The following SMURF1 variants were observed in gnomAD, a reference collection of about 807,000 sequenced individuals.
The protein encoded by SMURF1 is E3 ubiquitin-protein ligase SMURF1.
Under a neutral mutation model 98.0 loss-of-function variants are expected in SMURF1, and 44 were observed. That is an observed-to-expected ratio of 0.45 (90% confidence interval 0.35 to 0.58). The LOEUF (loss-of-function observed/expected upper bound fraction) is 0.58. SMURF1 is among the 20% of genes least tolerant of loss of function. The pLI, the probability that SMURF1 is intolerant of heterozygous loss-of-function variation, is 0.00. For missense variants in SMURF1, 687 were observed against 938.4 expected, an observed-to-expected ratio of 0.73 and a Z score of 3.50; for synonymous variants, 396 against 374.9, an observed-to-expected ratio of 1.06 and a Z score of -0.65.
chr7:99,089,772 A>T (rs1796770200), intron 1 of SMURF1, among the ~76,000 whole-genome samples: 1 of 152,166 alleles, frequency 6.6e-6, no homozygotes, highest in Admixed American at 6.5e-5. Flanking sequence ...GATCCATTTA[A>T]CTCGGTTTGC....
chr7:99,053,798 C>G (rs1045809515), intron 6 of SMURF1, among the ~76,000 whole-genome samples: 1 of 152,144 alleles, frequency 6.6e-6, no homozygotes. Flanking sequence ...TGGGGGACTG[C>G]AAAATTGTGA....
chr7:99,035,877 G>A lies in SMURF1; in HGVS notation c.1810-161C>T. 4.3e-6 allele frequency: 3 copies of A among 700,270 alleles called. No homozygotes were observed. In the South Asian group the frequency reaches 5.6e-5, roughly 13 times the overall value. 43.4% of individuals were successfully genotyped at this position (700,270 alleles called of 1,614,324 possible). A position where few individuals can be genotyped will look rare whatever the true frequency, so the allele number is the denominator to read the frequency against. ...GAGACAGGAAGAAAGCTACAAACAGGAGGCCTGTGGCACATGCTTCCGTCC... is the reference window on the plus strand; with the variant it reads ...GAGACAGGAAGAAAGCTACAAACAGAAGGCCTGTGGCACATGCTTCCGTCC... On this transcript the variant is annotated intron_variant, in intron 15 of 17. Coordinates refer to ENST00000361368, the MANE Select transcript of SMURF1 (RefSeq NM_181349.3).
intron 11 of SMURF1, 37 bp from the exon 12 acceptor site, chr7:99,042,269 T>G: frequency 1.0e-4 from 136 of 1,323,510 alleles, no homozygotes; most frequent in Non-Finnish European, 1.3e-4. Flanking sequence ...TGAGACGCGC[T>G]AAAATTTCTA....
intron 1 of SMURF1, among the ~76,000 whole-genome samples, chr7:99,129,372 T>C (rs1339787111): frequency 1.3e-5 from 2 of 152,120 alleles, no homozygotes; most frequent in Non-Finnish European, 2.9e-5. Context: ...ACTGAAGTGA[T>C]TCCAGTTATT....
chr7:99,096,485 T>G (rs1469331072), intron 1 of SMURF1, among the ~76,000 whole-genome samples: 1 of 152,170 alleles, frequency 6.6e-6, no homozygotes, highest in African/African-American at 2.4e-5. Flanking sequence ...GGAAAAGATA[T>G]GCCATGCAAA....
chr7:99,099,141 A>C lies in SMURF1; in HGVS notation c.56-37304T>G, dbSNP rs145012934. Among the ~76,000 whole-genome samples, 5 of 152,192 alleles carry C rather than the reference A, an allele frequency of 3.3e-5. No individual in the cohort carries two copies. The East Asian group carries it at 9.7e-4, about 29-fold the overall frequency. ...GAGGAGACTAGAGCCCGATGAGAAA[A>C]GGTCTTCTATGCAATGTTAAGGAAT... On this transcript the variant is annotated intron_variant, in intron 1 of 17. Transcript: ENST00000361368.
At chr7:99,039,515 A>AT (rs1026453674) in intron 13 of SMURF1, among the ~76,000 whole-genome samples, 2 of 151,890 alleles carry the variant, frequency 1.3e-5, no homozygotes, top group African/African-American at 4.8e-5. Context: ...GCTTTTTAAA[A>AT]TTTTTTTAAT....
At chr7:99,050,745 G>T in intron 8 of SMURF1, 1 of 569,602 alleles carries the variant, frequency 1.8e-6, no homozygotes, top group Admixed American at 3.0e-5. Context: ...ACATAGTCTT[G>T]GAAAATCAGA....
intron 17 of SMURF1, 61 bp from the exon 18 acceptor site, chr7:99,030,744 G>T (rs908300079): frequency 2.3e-5 from 30 of 1,324,168 alleles, no homozygotes; most frequent in Middle Eastern, 1.8e-4. Flanking sequence ...CAACCTCAAG[G>T]CCAAGGACAG....
At chr7:99,110,462 AATAAAC>A (rs1452718517) in intron 1 of SMURF1, among the ~76,000 whole-genome samples, 2 of 152,226 alleles carry the variant, frequency 1.3e-5, no homozygotes, top group Non-Finnish European at 2.9e-5. Context: ...GCTCACAGGA[AATAAAC>A]ATAAACAGCC....
chr7:99,076,295 G>A (rs1796457060), intron 1 of SMURF1, among the ~76,000 whole-genome samples: 1 of 152,242 alleles, frequency 6.6e-6, no homozygotes, highest in African/African-American at 2.4e-5. Flanking sequence ...TTACAGTGGA[G>A]AAACCTGACG....
Position 99,047,712 on chromosome 7 carries a change from A to T in SMURF1, c.1124T>A (p.Ile375Asn). The T allele has an allele frequency of 6.2e-7, 1 of 1,614,232 alleles. No individual in the cohort carries two copies. Among genetic ancestry groups the T allele is most frequent in the Non-Finnish European group, 8.5e-7 (1 of 1,180,052 alleles). The change falls in exon 10 of 18, where the codon ATC (isoleucine) becomes AAC (asparagine). Residue 375 changes from isoleucine (I) to asparagine (N), a missense_variant. This residue lies in a region of SMURF1 where 415 missense variants were observed against 508.4 expected (regional missense o/e 0.82). Coordinates refer to ENST00000361368, the MANE Select transcript of SMURF1 (RefSeq NM_181349.3). ...AAAGATTTCTTCTCTGGACACTTCG[A>T]TGCGGCAATGACCAGCTTGGGGCTG... The part of the protein sequence containing the change: ...LQQPQAGHCR[I>N]EVSREEIFEE...
At chr7:99,128,461 C>T (rs549138409) in intron 1 of SMURF1, among the ~76,000 whole-genome samples, 1 of 152,300 alleles carries the variant, frequency 6.6e-6, no homozygotes, top group African/African-American at 2.4e-5. Context: ...ATACCAGGCT[C>T]CTAAGGGAAA....
At position 99,126,132 on chromosome 7, in the gene SMURF1, A is replaced by C. The variant is rs371044999; in HGVS notation, c.55+17594T>G. On this transcript the variant is annotated intron_variant, in intron 1 of 17. Coordinates refer to ENST00000361368, the MANE Select transcript of SMURF1 (RefSeq NM_181349.3). ...CCTATGGCTGTTAAGTTTCTGGTAG[A>C]GACAGTCTTTTTCAATACTCCTCTC... is the stretch of plus-strand genomic sequence containing the variant. Among the ~76,000 whole-genome samples, 6 of 152,284 alleles carry C rather than the reference A, an allele frequency of 3.9e-5. No individual in the cohort carries two copies. In the East Asian group the frequency reaches 7.7e-4, roughly 20 times the overall value.
intron 11 of SMURF1, among the ~76,000 whole-genome samples, chr7:99,043,313 T>C (rs145300819): frequency 2.1e-4 from 32 of 152,240 alleles, no homozygotes; most frequent in African/African-American, 7.0e-4. Context: ...GATCGGATAA[T>C]GAACACACAC....
chr7:99,041,986 T>G (rs546474424), intron 12 of SMURF1, 132 bp downstream of exon 12: 110 of 707,034 alleles, frequency 1.6e-4, no homozygotes, highest in Non-Finnish European at 2.5e-4. Flanking sequence ...TCACTTTACC[T>G]CTCCATGTTT....
intron 1 of SMURF1, among the ~76,000 whole-genome samples, chr7:99,086,114 G>A (rs557593238): frequency 6.6e-6 from 1 of 152,266 alleles, no homozygotes; most frequent in Non-Finnish European, 1.5e-5. Flanking sequence ...GAGAGGCCGA[G>A]GTGGGTGGAT....
chr7:99,085,301 C>T (rs919329608), intron 1 of SMURF1, among the ~76,000 whole-genome samples: 7 of 144,262 alleles, frequency 4.9e-5, no homozygotes, highest in African/African-American at 1.3e-4. Context: ...TGCAGTGAGT[C>T]GAGATCAAGC....
intron 3 of SMURF1, among the ~76,000 whole-genome samples, chr7:99,059,415 AAT>A (rs1795974045): frequency 3.9e-5 from 2 of 51,644 alleles, no homozygotes; most frequent in African/African-American, 1.5e-4. Flanking sequence ...AATAAAATAA[AAT>A]AAAATAAAAT....
Sources: gnomAD v4.1 joint callset for allele counts (sites outside exome capture counted in the v4.1 genomes callset) on GRCh38, gnomAD v4.1.1 for gene constraint, gnomAD v4.1.1 regional missense constraint, MANE v1.5 for transcripts, NCBI Gene and HGNC (gene_info 2026-07-23, HGNC 2026-07-21) for gene names.